Variants in CADPS2 observed in about 807,000 individuals in gnomAD.
The protein encoded by CADPS2 is calcium dependent secretion activator 2.
CADPS2 carries 93 observed loss-of-function variants against 172.5 expected under a neutral mutation model. The observed-to-expected ratio is 0.54, with a 90% CI of 0.46 to 0.64. The LOEUF is 0.64. Ranked by LOEUF, CADPS2 falls within the 30% of genes least tolerant of loss-of-function variation. The probability of loss-of-function intolerance (pLI) is 0.00; values close to 1 mark genes in which losing one functional copy is unlikely to be tolerated. For synonymous variants in CADPS2, 546 were observed against 555.2 expected, an observed-to-expected ratio of 0.98 and a Z score of 0.23; for missense variants, 1,420 against 1,565.9, an observed-to-expected ratio of 0.91 and a Z score of 1.57.
At chr7:122,621,260 T>A (rs2075580411) in intron 5 of CADPS2, among the ~76,000 whole-genome samples, 1 of 152,186 alleles carries the variant, frequency 6.6e-6, no homozygotes, top group Non-Finnish European at 1.5e-5. Context: ...GCCTTAAAAC[T>A]TCTATTATTT....
intron 3 of CADPS2, among the ~76,000 whole-genome samples, chr7:122,654,193 A>G (rs940855497): frequency 3.3e-5 from 5 of 152,240 alleles, no homozygotes; most frequent in East Asian, 1.9e-4. Context: ...AGCCATCTCC[A>G]TAACATGGAA....
chr7:122,566,543 G>A (rs1269848599), intron 7 of CADPS2, among the ~76,000 whole-genome samples: 2 of 151,998 alleles, frequency 1.3e-5, no homozygotes, highest in Non-Finnish European at 2.9e-5. Flanking sequence ...TGAATAAAAT[G>A]GGGTGGATAT....
chr7:122,367,190 A>G (rs2041025509), intron 25 of CADPS2, among the ~76,000 whole-genome samples: 1 of 152,136 alleles, frequency 6.6e-6, no homozygotes, highest in South Asian at 2.1e-4. Flanking sequence ...TTAACAAGAA[A>G]CTTTAATTAC....
intron 17 of CADPS2, among the ~76,000 whole-genome samples, chr7:122,437,361 C>T (rs953640809): frequency 6.6e-6 from 1 of 151,910 alleles, no homozygotes; most frequent in African/African-American, 2.4e-5. Context: ...AAAGCTTGAC[C>T]AGATTTGGAG....
chr7:122,462,635 A>G (rs1260259229), intron 14 of CADPS2, among the ~76,000 whole-genome samples: 2 of 152,188 alleles, frequency 1.3e-5, no homozygotes, highest in Admixed American at 1.3e-4. Context: ...ATAAAACACT[A>G]AAGTACAAGA....
intron 3 of CADPS2, among the ~76,000 whole-genome samples, chr7:122,652,850 C>T (rs2079319592): frequency 6.6e-6 from 1 of 152,090 alleles, no homozygotes; most frequent in African/African-American, 2.4e-5. Context: ...ATTTGTCTTT[C>T]TATTATCCCT....
intron 1 of CADPS2, among the ~76,000 whole-genome samples, chr7:122,740,590 C>A (rs1012794954): frequency 6.6e-6 from 1 of 151,890 alleles, no homozygotes; most frequent in Admixed American, 6.6e-5. Flanking sequence ...AATTTCTGTA[C>A]CATCCACTCA....
chr7:122,388,656 G>C lies in CADPS2; in HGVS notation c.3091C>G (p.Gln1031Glu). 1.9e-6 allele frequency: 3 copies of C among 1,611,262 alleles called. No individual in the cohort carries two copies. Among genetic ancestry groups the C allele is most frequent in the Non-Finnish European group, 2.5e-6 (3 of 1,178,484 alleles). The change falls in exon 23 of 30, where the codon CAG becomes GAG. Residue 1031 changes from glutamine to glutamate, a missense_variant. By Grantham distance (29) the Gln-to-Glu change is conservative (BLOSUM62 2). Coordinates refer to ENST00000449022, the MANE Select transcript of CADPS2 (RefSeq NM_017954.11). ...MFVFDLHWPE[Q>E]EFAHHLEQRL... Reference sequence around the variant, plus strand: ...TGCTCTAAGTGGTGGGCAAATTCCTGTTCTGGCCAGTGCAGATCAAAGACA... The same window carrying C: ...TGCTCTAAGTGGTGGGCAAATTCCTCTTCTGGCCAGTGCAGATCAAAGACA...
intron 27 of CADPS2, among the ~76,000 whole-genome samples, chr7:122,348,458 A>C (rs1183495204): frequency 2.0e-5 from 3 of 152,190 alleles, no homozygotes; most frequent in African/African-American, 7.2e-5. Flanking sequence ...ACAACTTTCT[A>C]AGGAAATAAA....
rs1274219093 is a variant in CADPS2 at position 122,702,424 on chromosome 7, G to A, written c.453+34531C>T. 3 of 1,613,730 alleles carry A rather than the reference G, an allele frequency of 1.9e-6. No individual in the cohort carries two copies. The South Asian group carries it at 3.3e-5, about 18-fold the overall frequency. The stretch of plus-strand genomic sequence containing the variant: ...CGTTGATTTTATGTGTAAAAGTACA[G>A]CCTCCACGTTCGATGAGGGCCAGCC... On this transcript the variant is annotated intron_variant, in intron 2 of 29. Transcript: ENST00000449022.
intron 1 of CADPS2, among the ~76,000 whole-genome samples, chr7:122,818,376 ATAAT>A (rs1461535479): frequency 8.5e-5 from 13 of 152,268 alleles, no homozygotes; most frequent in African/African-American, 2.9e-4. Flanking sequence ...CAAGATCTAA[ATAAT>A]TCTTGTCGTA....
chr7:122,759,017 A>C (rs2093278496), intron 1 of CADPS2, among the ~76,000 whole-genome samples: 1 of 151,090 alleles, frequency 6.6e-6, no homozygotes, highest in African/African-American at 2.4e-5. Context: ...AAAAAAAATT[A>C]AAGGTCCTTA....
intron 28 of CADPS2, among the ~76,000 whole-genome samples, chr7:122,326,970 A>C (rs1251156942): frequency 3.3e-5 from 5 of 152,084 alleles, no homozygotes; most frequent in Admixed American, 2.6e-4. Context: ...TGGATAAATA[A>C]AAGCTTCAAG....
At chr7:122,397,284 T>G (rs2045274967) in intron 20 of CADPS2, among the ~76,000 whole-genome samples, 1 of 152,028 alleles carries the variant, frequency 6.6e-6, no homozygotes, top group Admixed American at 6.6e-5. Context: ...TAGCCAAAAG[T>G]TTGCTCAGAA....
Position 122,886,162 on chromosome 7 carries a change from G to T in CADPS2, c.176C>A (p.Pro59Gln). The T allele has an allele frequency of 6.5e-7, 1 of 1,529,300 alleles. No individual in the cohort carries two copies. 94.7% of individuals were successfully genotyped at this position (1,529,300 alleles called of 1,614,324 possible). ...GGGGAARSVSPSPSVLSEGRD... is the reference protein window; with the variant it reads ...GGGGAARSVSQSPSVLSEGRD... Reference sequence around the variant, plus strand: ...CCCCTCGCTGAGCACAGAGGGGCTCGGGCTCACAGATCTGGCCGCGCCGCC... The same window carrying T: ...CCCCTCGCTGAGCACAGAGGGGCTCTGGCTCACAGATCTGGCCGCGCCGCC... The change falls in exon 1 of 30, where the codon CCG becomes CAG. Residue 59 changes from proline to glutamine, a missense_variant. Coordinates refer to ENST00000449022, the MANE Select transcript of CADPS2 (RefSeq NM_017954.11).
intron 3 of CADPS2, among the ~76,000 whole-genome samples, chr7:122,642,168 T>A (rs1357089468): frequency 6.6e-6 from 1 of 151,060 alleles, no homozygotes; most frequent in Non-Finnish European, 1.5e-5. Flanking sequence ...TAATCCCAGC[T>A]ACTCCAGAGA....
chr7:122,438,371 T>A lies in CADPS2; in HGVS notation c.2446A>T (p.Thr816Ser). 1 of 1,613,170 alleles carries A rather than the reference T, an allele frequency of 6.2e-7. No individual in the cohort carries two copies. The highest frequency in any genetic ancestry group is 8.5e-7 in the Non-Finnish European group (1 of 1,179,338). ...CLEKAALINY[T>S]RLTEYAKIEE... ...ATTTTGGCATATTCTGTGAGTCTAG[T>A]GTAATTGATCAAGGCAGCTTTCTCG... The change falls in exon 17 of 30, where the codon ACT becomes TCT. Residue 816 changes from threonine to serine, a missense_variant. Physicochemically the swap from Thr to Ser is moderately conservative, Grantham distance 58. Coordinates refer to ENST00000449022, the MANE Select transcript of CADPS2 (RefSeq NM_017954.11).
intron 25 of CADPS2, among the ~76,000 whole-genome samples, chr7:122,361,285 G>A (rs1667902240): frequency 6.9e-6 from 1 of 144,826 alleles, no homozygotes; most frequent in South Asian, 2.2e-4. Flanking sequence ...CCAGGCTGGA[G>A]TGCAGTGGCG....
intron 15 of CADPS2, among the ~76,000 whole-genome samples, chr7:122,450,773 G>A (rs1033045260): frequency 6.6e-6 from 1 of 152,012 alleles, no homozygotes; most frequent in South Asian, 2.1e-4. Flanking sequence ...GGTCTCAAGT[G>A]ATCAAACCCA....
Sources: allele counts gnomAD v4.1 joint callset (sites outside exome capture counted in the v4.1 genomes callset), GRCh38; gene constraint gnomAD v4.1.1; transcripts MANE v1.5; gene names NCBI Gene and HGNC (gene_info 2026-07-23, HGNC 2026-07-21).